METTL16: variants seen among roughly 807,000 people sequenced by gnomAD.
METTL16 encodes the protein methyltransferase 16, RNA N6-adenosine, also known as RNA N(6)-adenosine-methyltransferase METTL16.
A neutral mutation model predicts 57.9 loss-of-function variants in METTL16; 19 were observed. The ratio of observed to expected loss-of-function variants is 0.33; its 90% CI spans 0.23 to 0.48. The LOEUF is 0.48. METTL16 is among the 20% of genes least tolerant of loss of function. The probability of loss-of-function intolerance (pLI) is 0.99; values close to 1 mark genes in which losing one functional copy is unlikely to be tolerated. For missense variants in METTL16, 434 were observed against 691.5 expected (o/e 0.63, Z 4.18); for synonymous variants, 246 against 255.6 (o/e 0.96, Z 0.36).
At chr17:2,435,697 G>A (rs1346269814) in intron 8 of METTL16, among the ~76,000 whole-genome samples, 1 of 150,538 alleles carries the variant, frequency 6.6e-6, no homozygotes, top group Non-Finnish European at 1.5e-5. Context: ...GACTCTGGCA[G>A]GGGGGAGTCT....
At chr17:2,500,149 G>GA (rs1183293442) in intron 2 of METTL16, among the ~76,000 whole-genome samples, 33 of 152,266 alleles carry the variant, frequency 2.2e-4, no homozygotes, top group African/African-American at 7.2e-4. Flanking sequence ...TGATTTTAAG[G>GA]GTTATCTTGG....
At chr17:2,493,374 C>A (rs1037372621) in intron 2 of METTL16, among the ~76,000 whole-genome samples, 1 of 151,364 alleles carries the variant, frequency 6.6e-6, no homozygotes, top group East Asian at 2.0e-4. Context: ...CAGGCAGCCA[C>A]CACACCCAGC....
intron 2 of METTL16, among the ~76,000 whole-genome samples, chr17:2,486,560 T>C (rs1036432841): frequency 6.6e-6 from 1 of 152,042 alleles, no homozygotes; most frequent in Admixed American, 6.6e-5. Flanking sequence ...TGTGAGCCAC[T>C]GCACCCAGCT....
At chr17:2,435,071 C>T (rs538793964) in intron 8 of METTL16, among the ~76,000 whole-genome samples, 1 of 152,324 alleles carries the variant, frequency 6.6e-6, no homozygotes, top group African/African-American at 2.4e-5. Context: ...AACATGCTTC[C>T]TTATATTCAT....
intron 5 of METTL16, among the ~76,000 whole-genome samples, chr17:2,466,215 C>T (rs2067195115): frequency 6.9e-6 from 1 of 145,596 alleles, no homozygotes; most frequent in African/African-American, 2.5e-5. Context: ...AAAAAAAAGC[C>T]ACTTAACAGT....
intron 8 of METTL16, among the ~76,000 whole-genome samples, chr17:2,426,120 T>C (rs181572859): frequency 2.0e-5 from 3 of 149,724 alleles, no homozygotes; most frequent in Admixed American, 1.3e-4. Flanking sequence ...TACAGAGAAA[T>C]CTGGTGCGCA....
rs531997126 is a variant in METTL16, at chr17:2,488,138, A to G, written c.129-10253T>C. ...ACCTCAAAAAGATATCTGCACACCC[A>G]TATTTACTGCAGCATTAACCCCAAC... On this transcript the variant is annotated intron_variant, in intron 2 of 9. Transcript: ENST00000263092. 2.0e-5 allele frequency among the ~76,000 whole-genome samples: 3 copies of G among 152,274 alleles called. No individual in the cohort carries two copies. The East Asian group carries it at 5.8e-4, about 29-fold the overall frequency.
At chr17:2,458,708 A>C (rs2067128119) in intron 6 of METTL16, among the ~76,000 whole-genome samples, 1 of 151,806 alleles carries the variant, frequency 6.6e-6, no homozygotes, top group South Asian at 2.1e-4. Flanking sequence ...CAAGACTCTG[A>C]CACACACACA....
chr17:2,458,296 T>C (rs1198548536), intron 6 of METTL16, among the ~76,000 whole-genome samples: 1 of 152,174 alleles, frequency 6.6e-6, no homozygotes, highest in Non-Finnish European at 1.5e-5. Context: ...TACAGATCTC[T>C]GGTTCCTAAG....
At chr17:2,464,392 C>A in intron 5 of METTL16, 42 bp from the exon 6 acceptor site, 1 of 1,529,680 alleles carries the variant, frequency 6.5e-7, no homozygotes, top group Admixed American at 2.3e-5. Flanking sequence ...TGTGTACACC[C>A]CAAGAACCAA....
intron 2 of METTL16, among the ~76,000 whole-genome samples, chr17:2,489,120 T>TC (rs1364564465): frequency 1.3e-5 from 2 of 151,504 alleles, no homozygotes; most frequent in African/African-American, 2.4e-5. Context: ...TCTTTTTTTT[T>TC]TATTTTTTTT....
intron 8 of METTL16, chr17:2,424,515 G>A (rs1273140268): frequency 6.6e-6 from 1 of 152,386 alleles, no homozygotes; most frequent in African/African-American, 2.4e-5. Context: ...GCCTCCCAAA[G>A]TGTTCGGACT....
At chr17:2,449,824 C>A (rs1025986825) in intron 6 of METTL16, among the ~76,000 whole-genome samples, 19 of 152,124 alleles carry the variant, frequency 1.2e-4, no homozygotes, top group African/African-American at 4.6e-4. Context: ...TAAAGAACTG[C>A]CAATCAGTAA....
chr17:2,507,537 A>G (rs369505545), intron 1 of METTL16, among the ~76,000 whole-genome samples: 3,151 of 124,294 alleles, frequency 0.025, 50 homozygotes, highest in African/African-American at 0.06. Context: ...CAGCCGCCCC[A>G]TCCGGGAGGT....
intron 3 of METTL16, 88 bp downstream of exon 3, chr17:2,477,598 A>C (rs1428061531): frequency 1.0e-6 from 1 of 975,370 alleles, no homozygotes; most frequent in Admixed American, 2.0e-5. Flanking sequence ...GTACAACAAC[A>C]AATACCCAGT....
intron 1 of METTL16, among the ~76,000 whole-genome samples, chr17:2,505,395 A>ATTTTTTTTT (rs564797281): frequency 4.0e-5 from 2 of 50,554 alleles, no homozygotes; most frequent in South Asian, 7.5e-4. Context: ...GCCCAGAGGC[A>ATTTTTTTTT]TTTTTTTTTT....
intron 8 of METTL16, among the ~76,000 whole-genome samples, chr17:2,428,617 C>T (rs1401506226): frequency 1.6e-4 from 17 of 104,706 alleles, no homozygotes; most frequent in Admixed American, 3.5e-4. Flanking sequence ...TGTAATACAG[C>T]GGGGCACAGT....
At chr17:2,506,845 G>A (rs1463960793) in intron 1 of METTL16, among the ~76,000 whole-genome samples, 1 of 150,768 alleles carries the variant, frequency 6.6e-6, no homozygotes, top group African/African-American at 2.4e-5. Context: ...AGTGAGGAGC[G>A]TCTCTGCCCG....
At chr17:2,481,949 T>C (rs1440537927) in intron 2 of METTL16, among the ~76,000 whole-genome samples, 2 of 152,184 alleles carry the variant, frequency 1.3e-5, no homozygotes, top group Non-Finnish European at 2.9e-5. Flanking sequence ...AGGCTGCTTT[T>C]AGATGTCCAC....
Sources: allele counts gnomAD v4.1 joint callset (sites outside exome capture counted in the v4.1 genomes callset), GRCh38; gene constraint gnomAD v4.1.1; transcripts MANE v1.5; gene names NCBI Gene and HGNC (gene_info 2026-07-23, HGNC 2026-07-21).